Variants in SLC25A53 observed in about 807,000 individuals in gnomAD.
The protein encoded by SLC25A53 is mitochondrial carrier triple repeat protein 6.
Under a neutral mutation model 15.0 loss-of-function variants are expected in SLC25A53, and 5 were observed. The observed-to-expected ratio is 0.33, with a 90% CI of 0.17 to 0.70. The LOEUF (loss-of-function observed/expected upper bound fraction) is 0.70. Ranked by LOEUF, SLC25A53 falls within the 30% of genes least tolerant of loss-of-function variation. The pLI, the probability that SLC25A53 is intolerant of heterozygous loss-of-function variation, is 0.67. For synonymous variants in SLC25A53, 95 were observed against 100.0 expected (o/e 0.95, Z 0.30); for missense variants, 216 against 241.6 (o/e 0.89, Z 0.70).
At chrX:104,137,739 T>C (rs2075440458) in intron 1 of SLC25A53, among the ~76,000 whole-genome samples, 1 of 111,664 alleles carries the variant, frequency 9.0e-6, no homozygotes, top group Non-Finnish European at 1.9e-5. Flanking sequence ...CTCAGCTGCA[T>C]TGACCAATCA....
chrX:104,131,450 C>T (rs2075425460), intron 1 of SLC25A53, among the ~76,000 whole-genome samples: 1 of 111,513 alleles, frequency 9.0e-6, no homozygotes, highest in East Asian at 2.8e-4. Context: ...CCACTGCATT[C>T]CTCATCACTC....
chrX:104,111,244 AG>A (rs1246967262), intron 1 of SLC25A53, among the ~76,000 whole-genome samples: 1 of 112,109 alleles, frequency 8.9e-6, no homozygotes, highest in Non-Finnish European at 1.9e-5. Flanking sequence ...AAAATCCCCC[AG>A]GGGTAAGGCC....
chrX:104,106,161 G>A (rs1463772836), intron 1 of SLC25A53, among the ~76,000 whole-genome samples: 2 of 110,474 alleles, frequency 1.8e-5, no homozygotes, highest in African/African-American at 6.6e-5. Flanking sequence ...AACTGCTCCC[G>A]GCTTAGAACC....
chrX:104,126,980 C>A lies in SLC25A53; in HGVS notation c.-31-21692G>T, dbSNP rs1221141550. ...GACTAAACATGTACTTATCATATGACCCTGCAAGTGCATTCCTGGGCATTT... is the reference window on the plus strand; with the variant it reads ...GACTAAACATGTACTTATCATATGAACCTGCAAGTGCATTCCTGGGCATTT... On this transcript the variant is annotated intron_variant, in intron 1 of 1. Coordinates refer to ENST00000594199, the MANE Select transcript of SLC25A53 (RefSeq NM_001012755.5). Among the ~76,000 whole-genome samples, 5 of 112,293 alleles carry A rather than the reference C, an allele frequency of 4.5e-5. 1 individual carries two copies. Among genetic ancestry groups the A allele is most frequent in the African/African-American group, 1.6e-4 (5 of 30,841 alleles).
intron 1 of SLC25A53, among the ~76,000 whole-genome samples, chrX:104,109,623 G>A (rs2075329085): frequency 1.8e-5 from 2 of 112,109 alleles, no homozygotes; most frequent in South Asian, 7.4e-4. Flanking sequence ...TTGTTTGGAA[G>A]GCAGCAAAGA....
intron 1 of SLC25A53, among the ~76,000 whole-genome samples, chrX:104,154,523 T>C (rs949318703): frequency 1.7e-4 from 19 of 112,638 alleles, no homozygotes; most frequent in African/African-American, 6.1e-4. Flanking sequence ...CGAAGAGATA[T>C]CTGTACTCTT....
At chrX:104,124,004 A>T (rs781999167) in intron 1 of SLC25A53, among the ~76,000 whole-genome samples, 1 of 111,830 alleles carries the variant, frequency 8.9e-6, no homozygotes, top group South Asian at 3.8e-4. Flanking sequence ...GCTATTGTGA[A>T]TAGTGCTGCA....
At chrX:104,138,524 G>A (rs2075442713) in intron 1 of SLC25A53, among the ~76,000 whole-genome samples, 1 of 112,368 alleles carries the variant, frequency 8.9e-6, no homozygotes, top group South Asian at 3.7e-4. Context: ...TGTGTTACAG[G>A]GTGTTCTTTT....
chrX:104,108,249 A>G (rs2075321766), intron 1 of SLC25A53, among the ~76,000 whole-genome samples: 1 of 111,874 alleles, frequency 8.9e-6, no homozygotes, highest in African/African-American at 3.3e-5. Flanking sequence ...ACCTTGGAAA[A>G]GACATTTCAT....
chrX:104,120,183 T>C (rs1395709494), intron 1 of SLC25A53, among the ~76,000 whole-genome samples: 1 of 112,017 alleles, frequency 8.9e-6, no homozygotes, highest in Non-Finnish European at 1.9e-5. Context: ...TAAGAACATG[T>C]TTTTAATGTC....
At chrX:104,137,230 A>T (rs1556366644) in intron 1 of SLC25A53, among the ~76,000 whole-genome samples, 1 of 111,142 alleles carries the variant, frequency 9.0e-6, no homozygotes, top group African/African-American at 3.3e-5. Flanking sequence ...AACTACTGTA[A>T]CCCCCGCCTC....
At position 104,115,123 on chromosome X, in the gene SLC25A53, C is replaced by T. The variant is rs1454671614; in HGVS notation, c.-31-9835G>A. On this transcript the variant is annotated intron_variant, in intron 1 of 1. Transcript: ENST00000594199. ...TAAGAATGATGGTCCTGGGAATATTCGTAGAGCCAGGAAGCGAAAATACAC... is the reference window on the plus strand; with the variant it reads ...TAAGAATGATGGTCCTGGGAATATTTGTAGAGCCAGGAAGCGAAAATACAC... The T allele has an allele frequency of 8.3e-6, 10 of 1,201,737 alleles. No homozygotes were observed. The highest frequency in any genetic ancestry group is 5.3e-5 in the African/African-American group (3 of 56,810).
intron 1 of SLC25A53, among the ~76,000 whole-genome samples, chrX:104,122,019 G>A (rs1471560707): frequency 2.0e-5 from 2 of 98,289 alleles, no homozygotes; most frequent in Non-Finnish European, 4.1e-5. Context: ...TGATCCTCCC[G>A]CCTTAGTCTC....
intron 1 of SLC25A53, chrX:104,114,431 A>G: frequency 8.3e-7 from 1 of 1,211,480 alleles, no homozygotes; most frequent in Non-Finnish European, 1.1e-6. Flanking sequence ...GCCAACCCCA[A>G]CCTAAGTGTA....
rs2075277508 is a variant in SLC25A53, at chrX:104,100,910, C to A, written c.*3424G>T. 1 of 111,192 alleles carries A rather than the reference C, an allele frequency of 9.0e-6. No individual in the cohort carries two copies. Among genetic ancestry groups the A allele is most frequent in the Non-Finnish European group, 1.9e-5 (1 of 53,082 alleles). 9.2% of individuals were successfully genotyped at this position (111,192 alleles called of 1,213,427 possible). On this transcript the variant is annotated 3_prime_UTR_variant, in exon 2 of 2. Coordinates refer to ENST00000594199, the MANE Select transcript of SLC25A53 (RefSeq NM_001012755.5). ...ACACCAGCTGGGTGTACTCCAATTCCATTCTGACACAATCTACCTGGAGAT... is the reference window on the plus strand; with the variant it reads ...ACACCAGCTGGGTGTACTCCAATTCAATTCTGACACAATCTACCTGGAGAT...
intron 1 of SLC25A53, among the ~76,000 whole-genome samples, chrX:104,129,848 C>A (rs2075420762): frequency 1.3e-5 from 1 of 74,555 alleles, no homozygotes; most frequent in Admixed American, 1.8e-4. Context: ...ACATATATAT[C>A]CACACAAATG....
intron 1 of SLC25A53, among the ~76,000 whole-genome samples, chrX:104,119,032 C>CT (rs1163191350): frequency 5.4e-5 from 6 of 111,747 alleles, no homozygotes; most frequent in Non-Finnish European, 7.5e-5. Flanking sequence ...CCAGTCTATG[C>CT]TTTTGGTGCA....
chrX:104,126,624 C>A (rs189778887), intron 1 of SLC25A53, among the ~76,000 whole-genome samples: 57 of 111,553 alleles, frequency 5.1e-4, no homozygotes, highest in African/African-American at 1.8e-3. Flanking sequence ...GCACTCCAAT[C>A]TGGGTGACAG....
At chrX:104,135,407 A>G (rs1343287268) in intron 1 of SLC25A53, among the ~76,000 whole-genome samples, 3 of 110,433 alleles carry the variant, frequency 2.7e-5, no homozygotes, top group African/African-American at 9.9e-5. Context: ...TCCAAAACCG[A>G]ACTCGTGTTT....
Sources: gnomAD v4.1 joint callset for allele counts (sites outside exome capture counted in the v4.1 genomes callset) on GRCh38, gnomAD v4.1.1 for gene constraint, MANE v1.5 for transcripts, NCBI Gene and HGNC (gene_info 2026-07-23, HGNC 2026-07-21) for gene names.